UNC13C: variants seen among roughly 807,000 people sequenced by gnomAD.
The protein encoded by UNC13C is unc-13 homolog C.
UNC13C carries 174 observed loss-of-function variants against 245.4 expected under a neutral mutation model. The observed-to-expected ratio is 0.71, with a 90% CI of 0.63 to 0.80. The LOEUF is 0.80. UNC13C is among the 30% of genes least tolerant of loss of function. The probability of loss-of-function intolerance (pLI) is 0.00; values close to 1 mark genes in which losing one functional copy is unlikely to be tolerated. For missense variants in UNC13C, 2,829 were observed against 2,602.9 expected (o/e 1.09, Z -1.89); for synonymous variants, 992 against 895.1 (o/e 1.11, Z -1.93).
rs376134354 is a variant in UNC13C at position 54,511,762 on chromosome 15, T to C, written c.5389T>C (p.Leu1797=). The change falls in exon 24 of 33, where the codon TTG becomes CTG. Residue 1797 remains leucine (L), a synonymous_variant. Transcript: ENST00000260323. Reference sequence around the variant, plus strand: ...TTTTCTATATTTAAAGCCCTGTATCTTGATGAACAATATTCAACAATTGCG... The same window carrying C: ...TTTTCTATATTTAAAGCCCTGTATCCTGATGAACAATATTCAACAATTGCG... ...HCDKENVPCI[L]MNNIQQLRVQ... 8.7e-6 allele frequency: 14 copies of C among 1,606,970 alleles called. No homozygotes were observed. The highest frequency in any genetic ancestry group is 8.5e-6 in the Non-Finnish European group (10 of 1,176,522).
chr15:53,964,369 A>T, the UNC13C span, among the ~76,000 whole-genome samples: 18 of 152,284 alleles, frequency 1.2e-4, no homozygotes, highest in African/African-American at 4.3e-4. Flanking sequence ...TAGGCTCTTA[A>T]ATCTAAGAAT....
intron 23 of UNC13C, among the ~76,000 whole-genome samples, chr15:54,508,602 C>G (rs1294283539): frequency 6.6e-6 from 1 of 152,106 alleles, no homozygotes; most frequent in Non-Finnish European, 1.5e-5. Context: ...TCCATAATTA[C>G]TAATATCTTG....
chr15:53,989,788 C>T (rs184114044), intron 1 of UNC13C, among the ~76,000 whole-genome samples: 1 of 152,038 alleles, frequency 6.6e-6, no homozygotes, highest in East Asian at 1.9e-4. Context: ...TTCTTGGAGA[C>T]AGCAGCCAGC....
At chr15:54,179,533 G>T (rs573183675) in intron 4 of UNC13C, among the ~76,000 whole-genome samples, 1 of 151,958 alleles carries the variant, frequency 6.6e-6, no homozygotes, top group African/African-American at 2.4e-5. Context: ...GGGACATAGA[G>T]AAGATACTAT....
At chr15:54,584,115 CCT>C (rs1438893352) in intron 30 of UNC13C, among the ~76,000 whole-genome samples, 1 of 152,164 alleles carries the variant, frequency 6.6e-6, no homozygotes, top group Non-Finnish European at 1.5e-5. Flanking sequence ...CTAGAACCTA[CCT>C]TTCCCCTTGG....
chr15:54,149,468 G>A (rs2032423332), intron 4 of UNC13C, among the ~76,000 whole-genome samples: 1 of 152,164 alleles, frequency 6.6e-6, no homozygotes, highest in South Asian at 2.1e-4. Context: ...TGTATAGCCA[G>A]TGACTCATCA....
At chr15:54,609,580 T>G (rs1474641457) in intron 30 of UNC13C, 1 of 152,228 alleles carries the variant, frequency 6.6e-6, no homozygotes, top group African/African-American at 2.4e-5. Context: ...AGATGTTTGT[T>G]AAACAATTCA....
intron 13 of UNC13C, among the ~76,000 whole-genome samples, chr15:54,304,027 A>C (rs1437152848): frequency 6.6e-6 from 1 of 152,104 alleles, no homozygotes; most frequent in Non-Finnish European, 1.5e-5. Flanking sequence ...TTCACACTAG[A>C]CAACTGTCTA....
intron 29 of UNC13C, among the ~76,000 whole-genome samples, chr15:54,562,544 T>C (rs1486234358): frequency 2.0e-5 from 3 of 151,998 alleles, no homozygotes; most frequent in African/African-American, 4.8e-5. Flanking sequence ...GGGACCTCAC[T>C]AACTTACAAG....
At chr15:54,100,922 A>G (rs1900129765) in intron 2 of UNC13C, among the ~76,000 whole-genome samples, 1 of 152,064 alleles carries the variant, frequency 6.6e-6, no homozygotes, top group African/African-American at 2.4e-5. Context: ...AAATACATTG[A>G]CTGAGGTATA....
chr15:54,284,602 A>G (rs1450262317), intron 10 of UNC13C, among the ~76,000 whole-genome samples: 1 of 150,662 alleles, frequency 6.6e-6, no homozygotes, highest in Non-Finnish European at 1.5e-5. Flanking sequence ...AATAGAAATC[A>G]CCACGAGCAC....
chr15:54,153,844 A>T (rs1466646456), intron 4 of UNC13C, among the ~76,000 whole-genome samples: 1 of 151,986 alleles, frequency 6.6e-6, no homozygotes, highest in Non-Finnish European at 1.5e-5. Flanking sequence ...ATAATTCATG[A>T]TTGATATTGT....
At chr15:54,161,267 G>A (rs2032962328) in intron 4 of UNC13C, among the ~76,000 whole-genome samples, 1 of 152,016 alleles carries the variant, frequency 6.6e-6, no homozygotes, top group Admixed American at 6.6e-5. Flanking sequence ...TCTATATGTA[G>A]TCTCAAAGTT....
intron 17 of UNC13C, among the ~76,000 whole-genome samples, chr15:54,362,042 C>T (rs961848089): frequency 5.3e-5 from 8 of 152,140 alleles, no homozygotes; most frequent in Admixed American, 5.2e-4. Flanking sequence ...TTGGGCCTTC[C>T]TGCATATTGT....
chr15:54,545,798 A>T lies in UNC13C; in HGVS notation c.5697-924A>T, dbSNP rs142728458. ...ATACCATCTCACGCCAGTTAGAGTG[A>T]TCACTAAAAAGTCAGGAAATCACGG... On this transcript the variant is annotated intron_variant, in intron 26 of 32. Transcript: ENST00000260323. Among the ~76,000 whole-genome samples the T allele has an allele frequency of 7.1e-3, 1,076 of 152,272 alleles. 12 individuals are homozygous for T. The highest frequency in any genetic ancestry group is 0.025 in the African/African-American group (1,027 of 41,556).
intron 8 of UNC13C, 40 bp downstream of exon 8, chr15:54,250,484 C>T (rs1416064089): frequency 2.0e-6 from 3 of 1,526,310 alleles, no homozygotes; most frequent in South Asian, 1.3e-5. Flanking sequence ...TATGCAGAGC[C>T]TGCCTTATTC....
chr15:54,200,692 A>G (rs2034495356), intron 4 of UNC13C, among the ~76,000 whole-genome samples: 5 of 152,056 alleles, frequency 3.3e-5, no homozygotes. Flanking sequence ...AGGAAAGTTC[A>G]TATCATTAAA....
At chr15:54,042,825 C>G (rs554434730) in intron 2 of UNC13C, among the ~76,000 whole-genome samples, 1 of 151,916 alleles carries the variant, frequency 6.6e-6, no homozygotes, top group Non-Finnish European at 1.5e-5. Context: ...TGCACTCCAG[C>G]CTGGGTGACA....
At chr15:54,338,671 G>T (rs755062595) in intron 17 of UNC13C, among the ~76,000 whole-genome samples, 182 bp downstream of exon 17, 1 of 151,634 alleles carries the variant, frequency 6.6e-6, no homozygotes, top group Non-Finnish European at 1.5e-5. Flanking sequence ...GAACTAATTC[G>T]CTCCTTAAAA....
Sources: gnomAD v4.1 joint callset for allele counts (sites outside exome capture counted in the v4.1 genomes callset) on GRCh38, gnomAD v4.1.1 for gene constraint, MANE v1.5 for transcripts, NCBI Gene and HGNC (gene_info 2026-07-23, HGNC 2026-07-21) for gene names.